Variants in TBC1D12 observed in about 807,000 individuals in gnomAD.
TBC1D12 encodes the protein TBC1 domain family, member 12.
A neutral mutation model predicts 86.7 loss-of-function variants in TBC1D12; 56 were observed. That is an observed-to-expected ratio of 0.65 (90% CI 0.52 to 0.81). The LOEUF (loss-of-function observed/expected upper bound fraction) is 0.81, where lower values mean the gene tolerates loss of function less well. TBC1D12 is among the 30% of genes least tolerant of loss of function. The pLI, the probability that TBC1D12 is intolerant of heterozygous loss-of-function variation, is 0.00. For synonymous variants in TBC1D12, 421 were observed against 411.7 expected, an observed-to-expected ratio of 1.02 and a Z score of -0.27; for missense variants, 1,023 against 1,038.8, an observed-to-expected ratio of 0.98 and a Z score of 0.21.
intron 1 of TBC1D12, among the ~76,000 whole-genome samples, chr10:94,417,583 G>C (rs528886427): frequency 9.0e-4 from 137 of 152,246 alleles, no homozygotes; most frequent in African/African-American, 2.6e-3. Context: ...CCCTGGAGGT[G>C]TAAAATTGTT....
chr10:94,482,705 C>T (rs958246645), intron 3 of TBC1D12, among the ~76,000 whole-genome samples: 1 of 152,142 alleles, frequency 6.6e-6, no homozygotes, highest in Non-Finnish European at 1.5e-5. Flanking sequence ...CCGCCTCAGC[C>T]TCCCAAAGTG....
intron 3 of TBC1D12, 113 bp downstream of exon 3, chr10:94,474,896 AC>A: frequency 2.1e-6 from 2 of 969,846 alleles, no homozygotes; most frequent in Non-Finnish European, 3.0e-6. Flanking sequence ...TTTAATTTTT[AC>A]AAAATTTAAT....
intron 1 of TBC1D12, among the ~76,000 whole-genome samples, chr10:94,438,034 T>C (rs764386392): frequency 6.2e-5 from 9 of 145,988 alleles, no homozygotes; most frequent in Non-Finnish European, 1.4e-4. Context: ...ATTGACTTAA[T>C]GTCTTTGACT....
At chr10:94,469,913 T>A (rs1194077391) in intron 2 of TBC1D12, among the ~76,000 whole-genome samples, 2 of 152,230 alleles carry the variant, frequency 1.3e-5, no homozygotes, top group African/African-American at 4.8e-5. Context: ...ATCCTCAGGC[T>A]CATCTTGTTT....
intron 6 of TBC1D12, 74 bp downstream of exon 6, chr10:94,500,401 G>A: frequency 8.0e-7 from 1 of 1,256,108 alleles, no homozygotes; most frequent in Admixed American, 2.4e-5. Flanking sequence ...GATTAGTAGA[G>A]TGACCATTAA....
chr10:94,403,465 C>A lies in TBC1D12; in HGVS notation c.852C>A (p.Ser284Arg). 2.6e-6 allele frequency: 4 copies of A among 1,542,468 alleles called. No individual in the cohort carries two copies. Among genetic ancestry groups the A allele is most frequent in the Non-Finnish European group, 3.5e-6 (4 of 1,144,740 alleles). The change falls in exon 1 of 13, where the codon AGC (serine) becomes AGA (arginine). Residue 284 changes from serine to arginine, a missense_variant. Transcript: ENST00000225235. ...RNTFQVSRGQ[S>R]ARDHLPPAGP... ...CGTTCCAGGTGAGCCGCGGTCAGAGCGCCCGCGATCACCTGCCCCCGGCGG... is the reference window on the plus strand; with the variant it reads ...CGTTCCAGGTGAGCCGCGGTCAGAGAGCCCGCGATCACCTGCCCCCGGCGG...
rs541996049 is a variant in TBC1D12 at position 94,530,922 on chromosome 10, C to T, written c.2001-280C>T. Among the ~76,000 whole-genome samples the T allele has an allele frequency of 7.6e-5, 11 of 144,520 alleles. No homozygotes were observed. The South Asian group carries it at 8.9e-4, about 12-fold the overall frequency. 94.8% of individuals were successfully genotyped at this position (144,520 alleles called of 152,430 possible). On this transcript the variant is annotated intron_variant, in intron 11 of 12. Coordinates refer to ENST00000225235, the MANE Select transcript of TBC1D12 (RefSeq NM_015188.2). ...ATCACCAGGCTGGAGTGCAGTGGCA[C>T]GATCTCAGCTCGCTGCAACCTCCGC...
chr10:94,414,703 G>A (rs1231776268), intron 1 of TBC1D12, among the ~76,000 whole-genome samples: 2 of 150,972 alleles, frequency 1.3e-5, no homozygotes, highest in East Asian at 2.0e-4. Flanking sequence ...AGGTTCCAGC[G>A]ATTCTCCCAT....
chr10:94,418,423 A>G (rs1483304406), intron 1 of TBC1D12, among the ~76,000 whole-genome samples: 2 of 152,136 alleles, frequency 1.3e-5, no homozygotes, highest in East Asian at 1.9e-4. Flanking sequence ...TTTTATAACT[A>G]TTGCCTTAAT....
intron 2 of TBC1D12, among the ~76,000 whole-genome samples, chr10:94,469,083 G>A (rs1467791245): frequency 6.6e-6 from 1 of 152,152 alleles, no homozygotes; most frequent in African/African-American, 2.4e-5. Flanking sequence ...TTATAAATAA[G>A]CCATAAAGGA....
rs1454369495 is a variant in TBC1D12, at chr10:94,534,929, A to G, written c.*1833A>G. The stretch of plus-strand genomic sequence containing the variant: ...TTTCTCACTGAAAAGTAAATTGGGG[A>G]AAATGCTGCTTTTACTATTTTGCAT... On this transcript the variant is annotated 3_prime_UTR_variant, in exon 13 of 13. Transcript: ENST00000225235. 6.6e-6 allele frequency: 1 copy of G among 152,110 alleles called. No individual in the cohort carries two copies. The highest frequency in any genetic ancestry group is 6.6e-5 in the Admixed American group (1 of 15,266). 9.4% of individuals were successfully genotyped at this position (152,110 alleles called of 1,614,324 possible).
intron 3 of TBC1D12, among the ~76,000 whole-genome samples, chr10:94,490,217 TGCACTCCAGCCTA>T (rs2056228077): frequency 6.6e-6 from 1 of 151,924 alleles, no homozygotes; most frequent in Admixed American, 6.6e-5. Context: ...ATTGCGCCTT[TGCACTCCAGCCTA>T]GGTGACAAGA....
At chr10:94,523,350 C>CT (rs1193520829) in intron 11 of TBC1D12, among the ~76,000 whole-genome samples, 2 of 151,898 alleles carry the variant, frequency 1.3e-5, no homozygotes, top group African/African-American at 4.8e-5. Context: ...CATTCAATGC[C>CT]TAGCACATAC....
Position 94,445,321 on chromosome 10 carries a change from T to G in TBC1D12, c.1095+3302T>G, listed in dbSNP as rs1244748500. Among the ~76,000 whole-genome samples the G allele has an allele frequency of 2.0e-5, 3 of 151,918 alleles. No individual in the cohort carries two copies. In the East Asian group the frequency reaches 6.0e-4, roughly 30 times the overall value. On this transcript the variant is annotated intron_variant, in intron 2 of 12. Coordinates refer to ENST00000225235, the MANE Select transcript of TBC1D12 (RefSeq NM_015188.2). ...TTGCAGTGAGCCGACGTTGTGCCACTGCACTCCAGCCTGGCAAAAGAGCGA... is the reference window on the plus strand; with the variant it reads ...TTGCAGTGAGCCGACGTTGTGCCACGGCACTCCAGCCTGGCAAAAGAGCGA...
intron 2 of TBC1D12, among the ~76,000 whole-genome samples, chr10:94,455,746 G>A (rs564502284): frequency 3.9e-5 from 6 of 152,214 alleles, no homozygotes; most frequent in Admixed American, 2.0e-4. Flanking sequence ...CCTGGCCGAC[G>A]TGGTGAAATC....
Position 94,507,348 on chromosome 10 carries a change from G to A in TBC1D12, c.1600+1G>A, listed in dbSNP as rs1426348475. The A allele has an allele frequency of 1.3e-6, 2 of 1,590,162 alleles. No individual in the cohort carries two copies. The highest frequency in any genetic ancestry group is 1.2e-5 in the South Asian group (1 of 85,488). On this transcript the variant is annotated splice_donor_variant, in intron 7 of 12. Coordinates refer to ENST00000225235, the MANE Select transcript of TBC1D12 (RefSeq NM_015188.2). LOFTEE classifies it high-confidence loss of function. ...ACAAGTTCAGAGAATGATACAGAAGGTGTGATTTCTTTTTTTAAATAAGAA... is the reference window on the plus strand; with the variant it reads ...ACAAGTTCAGAGAATGATACAGAAGATGTGATTTCTTTTTTTAAATAAGAA...
chr10:94,500,195 C>T lies in TBC1D12; in HGVS notation c.1413-26C>T, dbSNP rs1257187796. On this transcript the variant is annotated intron_variant, in intron 5 of 12. Coordinates refer to ENST00000225235, the MANE Select transcript of TBC1D12 (RefSeq NM_015188.2). ...TTTTTGGTATAAAAAGTAACTTTCT[C>T]CTTTTTTCTCCTCCTTTAATTCTAG... 1.9e-6 allele frequency: 3 copies of T among 1,599,960 alleles called. No homozygotes were observed. The Admixed American group carries it at 5.2e-5, about 28-fold the overall frequency.
chr10:94,500,433 A>G (rs2056380229), intron 6 of TBC1D12, 106 bp downstream of exon 6: 1 of 792,086 alleles, frequency 1.3e-6, no homozygotes, highest in African/African-American at 1.8e-5. Context: ...TTTATCATAT[A>G]TAATGTCATT....
intron 12 of TBC1D12, 38 bp from the exon 13 acceptor site, chr10:94,532,990 G>A (rs1564997630): frequency 8.1e-7 from 1 of 1,241,406 alleles, no homozygotes; most frequent in South Asian, 1.4e-5. Flanking sequence ...CTGGGTGGTA[G>A]TTTTTGAGGA....
Sources: allele counts gnomAD v4.1 joint callset (sites outside exome capture counted in the v4.1 genomes callset), GRCh38; gene constraint gnomAD v4.1.1; transcripts MANE v1.5; gene names NCBI Gene and HGNC (gene_info 2026-07-23, HGNC 2026-07-21).